Variants in IL7 observed in about 807,000 individuals in gnomAD.
IL7 encodes interleukin-7.
A neutral mutation model predicts 21.6 loss-of-function variants in IL7; 3 were observed. The ratio of observed to expected loss-of-function variants is 0.14; its 90% confidence interval spans 0.06 to 0.36. IL7 has a LOEUF of 0.36. Among genes scored for constraint, IL7 ranks in the 10% least tolerant of loss-of-function variants. The probability of loss-of-function intolerance (pLI) is 1.00; values close to 1 mark genes in which losing one functional copy is unlikely to be tolerated. For missense variants in IL7, 175 were observed against 200.2 expected (o/e 0.87, Z 0.76); for synonymous variants, 62 against 68.1 (o/e 0.91, Z 0.44).
At chr8:78,771,454 A>T (rs1812951252) in intron 2 of IL7, among the ~76,000 whole-genome samples, 1 of 152,112 alleles carries the variant, frequency 6.6e-6, no homozygotes, top group Non-Finnish European at 1.5e-5. Context: ...GAACTTAGTT[A>T]ATTATAGGCA....
intron 2 of IL7, among the ~76,000 whole-genome samples, chr8:78,768,644 T>G (rs1403274587): frequency 3.3e-5 from 5 of 151,838 alleles, no homozygotes; most frequent in South Asian, 2.1e-4. Flanking sequence ...TAAATTTGTT[T>G]GAGTTCATTG....
chr8:78,716,742 A>G (rs550512615), downstream of IL7, among the ~76,000 whole-genome samples: 2 of 152,082 alleles, frequency 1.3e-5, no homozygotes, highest in South Asian at 4.2e-4. Context: ...TCCTGCCCAA[A>G]TCTCATGTCA....
Position 78,804,895 on chromosome 8 carries a change from AG to A in IL7, c.10+17del. The A allele has an allele frequency of 6.2e-7, 1 of 1,612,938 alleles. No individual in the cohort carries two copies. Among genetic ancestry groups the A allele is most frequent in the East Asian group, 2.2e-5 (1 of 44,810 alleles). On this transcript the variant is annotated intron_variant, in intron 1 of 5. Transcript: ENST00000263851. ...CGTCGGGCGCGCGAACTTGTGCGCA[AG>A]GGAGAAGAGCGCTTACCATGGAACA...
intron 2 of IL7, among the ~76,000 whole-genome samples, chr8:78,771,003 G>T (rs999703050): frequency 2.0e-5 from 3 of 152,014 alleles, no homozygotes; most frequent in Non-Finnish European, 4.4e-5. Context: ...ACAACTTGCT[G>T]TCATAGAAAT....
At chr8:78,746,759 CTCTT>C (rs558985576) in intron 2 of IL7, 143 of 302,700 alleles carry the variant, frequency 4.7e-4, no homozygotes, top group Admixed American at 1.8e-3. Context: ...ATGCCTTTCT[CTCTT>C]TCTGTGTGTG....
At chr8:78,774,038 C>A (rs1813050562) in intron 2 of IL7, among the ~76,000 whole-genome samples, 1 of 152,018 alleles carries the variant, frequency 6.6e-6, no homozygotes, top group South Asian at 2.1e-4. Context: ...AAAACTCCAA[C>A]CTTATTAATC....
intron 3 of IL7, among the ~76,000 whole-genome samples, chr8:78,693,810 G>A (rs971669294): frequency 2.6e-5 from 4 of 152,258 alleles, no homozygotes; most frequent in Non-Finnish European, 4.4e-5. Flanking sequence ...CCTTGCCCAT[G>A]CCTGTGTCCT....
At chr8:78,747,207 T>TTTTTTG (rs1563418511) in intron 2 of IL7, 1 of 378,306 alleles carries the variant, frequency 2.6e-6, no homozygotes. Context: ...TTTTTTTTTT[T>TTTTTTG]TTGAGATGGG....
chr8:78,690,609 A>G (rs1810179025), intron 3 of IL7, among the ~76,000 whole-genome samples: 2 of 152,016 alleles, frequency 1.3e-5, no homozygotes, highest in South Asian at 2.1e-4. Context: ...TTATATATAC[A>G]TTTTATAATT....
At chr8:78,717,243 A>T, downstream of IL7, 1 of 1,248,638 alleles carries the variant, frequency 8.0e-7, no homozygotes, top group South Asian at 2.0e-5. Context: ...GCTAATTGTT[A>T]TATTTATGTC....
At chr8:78,679,665 T>C (rs1809701585) in intron 4 of IL7, among the ~76,000 whole-genome samples, 1 of 152,142 alleles carries the variant, frequency 6.6e-6, no homozygotes, top group African/African-American at 2.4e-5. Flanking sequence ...GTGAAGTGAT[T>C]TAAGCTAAGT....
At chr8:78,697,467 C>G (rs1810462139) in intron 3 of IL7, 1 of 1,610,230 alleles carries the variant, frequency 6.2e-7, no homozygotes, top group Non-Finnish European at 8.5e-7. Flanking sequence ...AGGATCTTCA[C>G]GATTACCGCA....
At chr8:78,690,442 C>A (rs1468632436) in intron 3 of IL7, among the ~76,000 whole-genome samples, 2 of 151,958 alleles carry the variant, frequency 1.3e-5, no homozygotes, top group Non-Finnish European at 2.9e-5. Flanking sequence ...CGCCTGTAGT[C>A]CCAGCTACTT....
Position 78,736,525 on chromosome 8 carries a change from A to T in IL7, c.363T>A (p.Val121=). 1.3e-6 allele frequency: 2 copies of T among 1,589,910 alleles called. No individual in the cohort carries two copies. The highest frequency in any genetic ancestry group is 1.7e-6 in the Non-Finnish European group (2 of 1,161,656). ...TTILLNCTGQ[V]KGRKPAALGE... is the part of the protein sequence containing the mutation. Reference sequence around the variant, plus strand: ...CCAGGGCAGCTGGTTTTCTTCCTTTAACCTTAAAAACAAAGTCACATTTAT... The same window carrying T: ...CCAGGGCAGCTGGTTTTCTTCCTTTTACCTTAAAAACAAAGTCACATTTAT... The change falls in exon 5 of 6, where the codon GTT becomes GTA. Residue 121 remains valine (V), a splice_region_variant and synonymous_variant. Coordinates refer to ENST00000263851, the MANE Select transcript of IL7 (RefSeq NM_000880.4).
chr8:78,701,752 T>A (rs948392144), intron 3 of IL7, among the ~76,000 whole-genome samples: 2 of 152,244 alleles, frequency 1.3e-5, no homozygotes, highest in Admixed American at 1.3e-4. Flanking sequence ...AAGATAATCA[T>A]GTGCTTTTTG....
chr8:78,714,603 C>T (rs962163864), downstream of IL7, among the ~76,000 whole-genome samples: 1 of 152,144 alleles, frequency 6.6e-6, no homozygotes, highest in Admixed American at 6.5e-5. Context: ...ATTTAGTTTT[C>T]TAACCCTTCT....
chr8:78,724,370 A>G (rs1164428029), intron 3 of IL7, among the ~76,000 whole-genome samples: 1 of 152,056 alleles, frequency 6.6e-6, no homozygotes, highest in Non-Finnish European at 1.5e-5. Context: ...CTACATATGT[A>G]TGAAATATTT....
At position 78,805,014 on chromosome 8, in the gene IL7, C is replaced by A. The variant is rs967135852; in HGVS notation, c.-92G>T. The A allele has an allele frequency of 6.3e-6, 9 of 1,427,064 alleles. No individual in the cohort carries two copies. The South Asian group carries it at 1.0e-4, about 16-fold the overall frequency. The allele number at this position is 1,427,064 out of a possible 1,614,324, so 88.4% of individuals were successfully genotyped here. ...TAGTCACTCCCAGGACCCTGGTCTT[C>A]CGCGGAGTTGCCGAGTCTGTGTTGG... On this transcript the variant is annotated 5_prime_UTR_variant, in exon 1 of 6. It introduces an in-frame stop codon into an upstream open reading frame of the 5' UTR. Transcript: ENST00000263851.
chr8:78,707,619 A>G (rs1467647796), intron 3 of IL7, among the ~76,000 whole-genome samples: 1 of 152,204 alleles, frequency 6.6e-6, no homozygotes, highest in Non-Finnish European at 1.5e-5. Flanking sequence ...AAGAATACAT[A>G]TTTTTTGGCT....
Sources: allele counts gnomAD v4.1 joint callset (sites outside exome capture counted in the v4.1 genomes callset), GRCh38; gene constraint gnomAD v4.1.1; transcripts MANE v1.5; gene names NCBI Gene and HGNC (gene_info 2026-07-23, HGNC 2026-07-21).